Variants in ZNRF1 observed in about 807,000 individuals in gnomAD.
ZNRF1 encodes zinc and ring finger 1, also known as E3 ubiquitin-protein ligase ZNRF1.
ZNRF1 carries 3 observed loss-of-function variants against 18.4 expected under a neutral mutation model. That is an observed-to-expected ratio of 0.16 (90% confidence interval 0.07 to 0.42). The LOEUF (loss-of-function observed/expected upper bound fraction) is 0.42. ZNRF1 is among the 10% of genes least tolerant of loss of function. The pLI is 0.99. For synonymous variants in ZNRF1, 157 were observed against 144.2 expected, an observed-to-expected ratio of 1.09 and a Z score of -0.64; for missense variants, 310 against 329.8, an observed-to-expected ratio of 0.94 and a Z score of 0.47.
intron 1 of ZNRF1, among the ~76,000 whole-genome samples, chr16:75,042,003 C>CA (rs2035454413): frequency 2.6e-5 from 4 of 152,056 alleles, no homozygotes. Context: ...TCTCAAAAAA[C>CA]AAAGACTTAA....
rs1038256767 is a variant in ZNRF1, at chr16:75,065,385, TTCTGGCCAGAGCCACGC to T, written c.425-28179_425-28163del. ...ACTCCTCCAGGGTTTTGTTGTTTTG[TTCTGGCCAGAGCCACGC>T]TCTGGCCGTTTGTTACTTACACCTT... On this transcript the variant is annotated intron_variant, in intron 1 of 4. Coordinates refer to ENST00000335325, the MANE Select transcript of ZNRF1 (RefSeq NM_032268.5). 2.0e-3 allele frequency among the ~76,000 whole-genome samples: 297 copies of T among 152,304 alleles called. 1 individual carries two copies. Among genetic ancestry groups the T allele is most frequent in the African/African-American group, 6.6e-3 (276 of 41,576 alleles).
chr16:75,095,920 C>A (rs1032929199), intron 2 of ZNRF1, among the ~76,000 whole-genome samples: 3 of 152,178 alleles, frequency 2.0e-5, no homozygotes, highest in African/African-American at 7.2e-5. Flanking sequence ...GAGCCGGGCC[C>A]CCCTTAGAGG....
At chr16:75,106,411 T>A (rs1397132875) in intron 3 of ZNRF1, 71 bp from the exon 4 acceptor site, 8 of 1,562,720 alleles carry the variant, frequency 5.1e-6, no homozygotes, top group Non-Finnish European at 7.0e-6. Context: ...AATCTGGCCC[T>A]CTGAAAGAGC....
intron 3 of ZNRF1, 42 bp from the exon 4 acceptor site, chr16:75,106,440 G>A: frequency 6.2e-7 from 1 of 1,612,436 alleles, no homozygotes; most frequent in Non-Finnish European, 8.5e-7. Flanking sequence ...AGCAGCCTGG[G>A]CAGCAGGTAA....
chr16:75,064,149 AAAAC>A, intron 1 of ZNRF1, among the ~76,000 whole-genome samples: 1 of 151,980 alleles, frequency 6.6e-6, no homozygotes, highest in Middle Eastern at 3.2e-3. Flanking sequence ...AAATACAAAA[AAAAC>A]AGCCAGGGGT....
At chr16:75,019,158 G>A (rs967405702) in intron 1 of ZNRF1, among the ~76,000 whole-genome samples, 6 of 151,870 alleles carry the variant, frequency 4.0e-5, no homozygotes, top group Admixed American at 1.3e-4. Context: ...AGAGTGAGAC[G>A]TCTCAAAAAA....
chr16:75,107,585 G>A (rs1597914749), intron 4 of ZNRF1, 148 bp from the exon 5 acceptor site: 1 of 397,108 alleles, frequency 2.5e-6, no homozygotes, highest in East Asian at 7.5e-5. Context: ...CCAGGCACAT[G>A]GCTGCAAATT....
chr16:75,049,664 CTACT>C (rs1360467196), intron 1 of ZNRF1, among the ~76,000 whole-genome samples: 2 of 152,178 alleles, frequency 1.3e-5, no homozygotes, highest in East Asian at 1.9e-4. Flanking sequence ...TTCGCTGCTT[CTACT>C]TACTTCTGTA....
At chr16:75,021,133 C>T (rs142078163) in intron 1 of ZNRF1, among the ~76,000 whole-genome samples, 9,744 of 152,140 alleles carry the variant, frequency 0.064, 371 homozygotes, top group East Asian at 0.16. Flanking sequence ...GTCCACCTCC[C>T]GGGTTCAAGT....
Position 75,066,212 on chromosome 16 carries a change from C to T in ZNRF1, c.425-27360C>T, listed in dbSNP as rs1477323475. On this transcript the variant is annotated intron_variant, in intron 1 of 4. Coordinates refer to ENST00000335325, the MANE Select transcript of ZNRF1 (RefSeq NM_032268.5). ...TCACAAATGAAAAAGCCCCCTGGTA[C>T]CTCTGTTACAAAAACTCCAAATAAA... is the stretch of plus-strand genomic sequence containing the variant. 3.9e-5 allele frequency among the ~76,000 whole-genome samples: 6 copies of T among 152,292 alleles called. No homozygotes were observed. The East Asian group carries it at 9.6e-4, about 24-fold the overall frequency.
intron 1 of ZNRF1, among the ~76,000 whole-genome samples, chr16:75,067,953 A>G (rs974095885): frequency 2.6e-5 from 4 of 152,192 alleles, no homozygotes; most frequent in Non-Finnish European, 5.9e-5. Context: ...AGGTGAAGCT[A>G]TTTATAATCA....
intron 2 of ZNRF1, chr16:75,095,761 C>T: frequency 6.6e-7 from 1 of 1,509,106 alleles, no homozygotes; most frequent in South Asian, 1.2e-5. Context: ...GTGAGGCTGT[C>T]CAGCTCCTCT....
intron 1 of ZNRF1, among the ~76,000 whole-genome samples, chr16:75,090,938 G>T (rs2036130383): frequency 6.6e-6 from 1 of 152,046 alleles, no homozygotes; most frequent in African/African-American, 2.4e-5. Flanking sequence ...TTTTGTAGAG[G>T]CAGAGTTTAA....
intron 1 of ZNRF1, among the ~76,000 whole-genome samples, chr16:75,075,523 A>C (rs554086523): frequency 6.6e-6 from 1 of 152,370 alleles, no homozygotes; most frequent in East Asian, 1.9e-4. Flanking sequence ...GAATGGACTC[A>C]GACAGCAGGC....
intron 1 of ZNRF1, among the ~76,000 whole-genome samples, chr16:75,008,013 A>G (rs549844980): frequency 1.3e-5 from 2 of 152,226 alleles, no homozygotes; most frequent in Admixed American, 1.3e-4. Context: ...TACAGATGCT[A>G]TGCTACCATG....
At chr16:75,064,743 A>G (rs1408991904) in intron 1 of ZNRF1, among the ~76,000 whole-genome samples, 2 of 152,124 alleles carry the variant, frequency 1.3e-5, no homozygotes, top group Non-Finnish European at 2.9e-5. Context: ...TGAGCAACGG[A>G]CTCAGAGCTG....
chr16:75,027,201 G>T (rs1048564833), intron 1 of ZNRF1, among the ~76,000 whole-genome samples: 3 of 151,278 alleles, frequency 2.0e-5, no homozygotes, highest in African/African-American at 7.3e-5. Context: ...AGCCCAGGAG[G>T]TCAAGGCTGC....
chr16:75,104,671 G>A (rs2036292607), intron 2 of ZNRF1, 113 bp from the exon 3 acceptor site: 12 of 854,474 alleles, frequency 1.4e-5, no homozygotes, highest in South Asian at 4.9e-5. Flanking sequence ...CTGCAGAGCC[G>A]GGCACAGCTT....
intron 1 of ZNRF1, among the ~76,000 whole-genome samples, chr16:75,013,160 C>T (rs1597857051): frequency 6.6e-6 from 1 of 152,154 alleles, no homozygotes; most frequent in South Asian, 2.1e-4. Flanking sequence ...TCAACACTTT[C>T]ATATGACAGC....
Sources: gnomAD v4.1 joint callset for allele counts (sites outside exome capture counted in the v4.1 genomes callset) on GRCh38, gnomAD v4.1.1 for gene constraint, MANE v1.5 for transcripts, NCBI Gene and HGNC (gene_info 2026-07-23, HGNC 2026-07-21) for gene names.